The following SYTL3 variants were observed in gnomAD, a reference collection of about 807,000 sequenced individuals.
The protein encoded by SYTL3 is synaptotagmin like 3.
A neutral mutation model predicts 82.1 loss-of-function variants in SYTL3; 88 were observed. The ratio of observed to expected loss-of-function variants is 1.07; its 90% CI spans 0.90 to 1.28. The LOEUF is 1.28. SYTL3 is among the 50% of genes most tolerant of loss of function. The pLI, the probability that SYTL3 is intolerant of heterozygous loss-of-function variation, is 0.00. For missense variants in SYTL3, 831 were observed against 757.6 expected, an observed-to-expected ratio of 1.10 and a Z score of -1.14; for synonymous variants, 311 against 289.4, an observed-to-expected ratio of 1.07 and a Z score of -0.76.
chr6:158,682,952 G>T lies in SYTL3; in HGVS notation c.357G>T (p.Trp119Cys), dbSNP rs764154483. 7 of 1,613,584 alleles carry T rather than the reference G, an allele frequency of 4.3e-6. No individual in the cohort carries two copies. The Admixed American group carries it at 6.7e-5, about 15-fold the overall frequency. The change falls in exon 6 of 18, where the codon TGG becomes TGT. Residue 119 changes from tryptophan to cysteine, a missense_variant. By Grantham distance (215) the Trp-to-Cys change is radical (BLOSUM62 -2). Transcript: ENST00000611299. ...ATGTCAAAATAAAAACTGGAGAATG[G>T]TTCTATGAGGAACGAGCCAAGAAAT... ...DRNVKIKTGE[W>C]FYEERAKKFP...
chr6:158,708,595 C>T (rs1782386525), intron 8 of SYTL3, among the ~76,000 whole-genome samples: 1 of 152,190 alleles, frequency 6.6e-6, no homozygotes, highest in South Asian at 2.1e-4. Context: ...TCGCGGGACC[C>T]TCTGTGTCAT....
At chr6:158,756,787 C>T (rs559801863) in intron 13 of SYTL3, among the ~76,000 whole-genome samples, 1 of 134,778 alleles carries the variant, frequency 7.4e-6, no homozygotes, top group East Asian at 2.4e-4. Context: ...TTGGCCAAGC[C>T]TGGCTGGGTG....
At chr6:158,708,090 G>A (rs1297929382) in intron 7 of SYTL3, among the ~76,000 whole-genome samples, 1 of 152,080 alleles carries the variant, frequency 6.6e-6, no homozygotes, top group Non-Finnish European at 1.5e-5. Flanking sequence ...TGAGTGGGGC[G>A]GAGTACCCAG....
intron 6 of SYTL3, among the ~76,000 whole-genome samples, chr6:158,690,213 C>A (rs1455834250): frequency 6.6e-6 from 1 of 152,206 alleles, no homozygotes; most frequent in Non-Finnish European, 1.5e-5. Flanking sequence ...TGTTTGAGAG[C>A]AGGAGCTATG....
rs531269914 is a variant in SYTL3, at chr6:158,664,002, G to A, written c.110+624G>A. ...GATATGGGTCAGCATTTAGAAAAGC[G>A]TGCTGAACTCTAGCAGAGCAGTGTT... On this transcript the variant is annotated intron_variant, in intron 4 of 17. Coordinates refer to ENST00000611299, the MANE Select transcript of SYTL3 (RefSeq NM_001242394.2). Among the ~76,000 whole-genome samples, 7 of 152,242 alleles carry A rather than the reference G, an allele frequency of 4.6e-5. No homozygotes were observed. The East Asian group carries it at 5.8e-4, about 13-fold the overall frequency.
chr6:158,681,744 T>G (rs1778722004), intron 5 of SYTL3, among the ~76,000 whole-genome samples: 1 of 152,210 alleles, frequency 6.6e-6, no homozygotes, highest in South Asian at 2.1e-4. Context: ...TGATCCCATA[T>G]TCCATACTTC....
chr6:158,739,157 A>G (rs1786595052), intron 11 of SYTL3, among the ~76,000 whole-genome samples: 2 of 152,202 alleles, frequency 1.3e-5, no homozygotes, highest in South Asian at 2.1e-4. Flanking sequence ...CTTTTTTTGT[A>G]GTATGTAACC....
chr6:158,726,349 G>T, intron 11 of SYTL3: 1 of 335,378 alleles, frequency 3.0e-6, no homozygotes, highest in Non-Finnish European at 5.7e-6. Context: ...TCCCCTGCAT[G>T]AACTTGTAGG....
rs9355676 is a variant in SYTL3 at position 158,756,718 on chromosome 6, A to T, written c.1138-493A>T. Among the ~76,000 whole-genome samples the T allele has an allele frequency of 2.1e-3, 99 of 47,318 alleles. No homozygotes were observed. The East Asian group carries it at 0.025, about 12-fold the overall frequency. The allele number at this position is 47,318 out of a possible 152,430, so 31.0% of individuals were successfully genotyped here. A position where few individuals can be genotyped will look rare whatever the true frequency, so the allele number is the denominator to read the frequency against. ...AGAGCGAGATCCTGTCTCAAAAAAA[A>T]ATTTTTTTTTTTTTTTTTTTTTTTT... On this transcript the variant is annotated intron_variant, in intron 13 of 17. Transcript: ENST00000611299.
intron 11 of SYTL3, among the ~76,000 whole-genome samples, chr6:158,744,778 GGT>G (rs1787401113): frequency 6.6e-6 from 1 of 152,174 alleles, no homozygotes; most frequent in Non-Finnish European, 1.5e-5. Flanking sequence ...ATAGTGATAA[GGT>G]AGCTGATTGT....
chr6:158,730,785 G>A (rs1785300381), intron 11 of SYTL3, among the ~76,000 whole-genome samples: 1 of 152,142 alleles, frequency 6.6e-6, no homozygotes, highest in South Asian at 2.1e-4. Flanking sequence ...GGGCGGTAAA[G>A]CATTCCTTGG....
rs893207558 is a variant in SYTL3, at chr6:158,665,282, C to G, written c.111-113C>G. ...CAGCCATGTTGGAGTCCAGGGATGT[C>G]GAATGCCAAAGCCCCTTCCCTTGCC... On this transcript the variant is annotated intron_variant, in intron 4 of 17. Transcript: ENST00000611299. 8 of 933,826 alleles carry G rather than the reference C, an allele frequency of 8.6e-6. No homozygotes were observed. In the African/African-American group the frequency reaches 1.3e-4, roughly 16 times the overall value. The allele number at this position is 933,826 out of a possible 1,614,324, so 57.8% of individuals were successfully genotyped here.
chr6:158,713,660 C>T (rs1783018401), intron 8 of SYTL3, 140 bp from the exon 9 acceptor site: 3 of 673,900 alleles, frequency 4.5e-6, no homozygotes, highest in Admixed American at 4.2e-5. Context: ...CCCATGCCCA[C>T]CTGCACCCCC....
chr6:158,727,501 C>G (rs1294863940), intron 11 of SYTL3, among the ~76,000 whole-genome samples: 1 of 151,938 alleles, frequency 6.6e-6, no homozygotes, highest in Admixed American at 6.6e-5. Flanking sequence ...TTAAATGGGT[C>G]AAACAGGTGT....
chr6:158,749,532 T>TTTTTA (rs1554264374), intron 12 of SYTL3, among the ~76,000 whole-genome samples: 29 of 131,998 alleles, frequency 2.2e-4, no homozygotes, highest in African/African-American at 8.5e-4. Context: ...TTTTTTTTTT[T>TTTTTA]AAGAAATGAG....
intron 11 of SYTL3, among the ~76,000 whole-genome samples, 183 bp from the exon 12 acceptor site, chr6:158,745,297 G>A (rs6933401): frequency 0.47 from 66,488 of 141,190 alleles, 17,073 homozygotes; most frequent in African/African-American, 0.53. Flanking sequence ...AGGATTCTCT[G>A]TCTCCTTGAG....
chr6:158,733,212 C>G (rs1785645536), intron 11 of SYTL3, among the ~76,000 whole-genome samples: 1 of 152,210 alleles, frequency 6.6e-6, no homozygotes, highest in Non-Finnish European at 1.5e-5. Context: ...AATATGTTCA[C>G]AGGCACATAC....
chr6:158,731,939 G>A (rs988555880), intron 11 of SYTL3, among the ~76,000 whole-genome samples: 4 of 152,264 alleles, frequency 2.6e-5, no homozygotes, highest in African/African-American at 9.6e-5. Context: ...TTTAATGCCT[G>A]TTTAATTATG....
At chr6:158,748,602 T>C (rs373676393) in intron 12 of SYTL3, among the ~76,000 whole-genome samples, 13 of 152,324 alleles carry the variant, frequency 8.5e-5, no homozygotes, top group African/African-American at 3.1e-4. Flanking sequence ...CCCAGCACTC[T>C]GGGAGGCCAA....
Sources: gnomAD v4.1 joint callset for allele counts (sites outside exome capture counted in the v4.1 genomes callset) on GRCh38, gnomAD v4.1.1 for gene constraint, MANE v1.5 for transcripts, NCBI Gene and HGNC (gene_info 2026-07-23, HGNC 2026-07-21) for gene names.